Variants in FYCO1 observed in about 807,000 individuals in gnomAD.
FYCO1 encodes FYVE and coiled-coil domain-containing protein 1.
In FYCO1, 122 loss-of-function variants were observed where a neutral mutation model predicts 165.1. The observed-to-expected ratio is 0.74, with a 90% CI of 0.64 to 0.86. FYCO1 has a LOEUF of 0.86. Among genes scored for constraint, FYCO1 ranks in the 40% least tolerant of loss-of-function variants. FYCO1 has a pLI of 0.00. For missense variants in FYCO1, 1,702 were observed against 1,810.3 expected (o/e 0.94, Z 1.09); for synonymous variants, 648 against 742.5 (o/e 0.87, Z 2.07).
At chr3:45,953,197 C>A (rs1012975733) in intron 14 of FYCO1, among the ~76,000 whole-genome samples, 7 of 152,272 alleles carry the variant, frequency 4.6e-5, no homozygotes, top group Middle Eastern at 3.4e-3. Flanking sequence ...CAGCAGAAAT[C>A]CTGAATGATC....
chr3:45,942,098 G>C (rs1427968209), intron 14 of FYCO1, among the ~76,000 whole-genome samples: 1 of 152,198 alleles, frequency 6.6e-6, no homozygotes, highest in African/African-American at 2.4e-5. Context: ...AGAAAGGACA[G>C]TCTGAACGAA....
intron 1 of FYCO1, among the ~76,000 whole-genome samples, chr3:45,991,074 G>A (rs1467926171): frequency 1.3e-5 from 2 of 152,060 alleles, no homozygotes; most frequent in East Asian, 1.9e-4. Context: ...CACTGCGCCC[G>A]GCCATCATGA....
rs1444637367 is a variant in FYCO1, at chr3:45,965,087, A to C, written c.3096T>G (p.Leu1032=). The part of the protein sequence containing the change: ...GEECKSLRGQ[L]EEQGRQLQAA... ...CCTGCAGCTGCCGGCCTTGCTCCTC[A>C]AGCTGGCCCCTGAGGCTCTTGCACT... The change falls in exon 9 of 18, where the codon CTT becomes CTG. Residue 1032 remains leucine (L), a synonymous_variant. Coordinates refer to ENST00000296137, the MANE Select transcript of FYCO1 (RefSeq NM_024513.4). 6.2e-7 allele frequency: 1 copy of C among 1,614,054 alleles called. No homozygotes were observed. The highest frequency in any genetic ancestry group is 8.5e-7 in the Non-Finnish European group (1 of 1,180,008).
At chr3:45,981,724 A>C in intron 2 of FYCO1, 48 bp from the exon 3 acceptor site, 1 of 1,272,218 alleles carries the variant, frequency 7.9e-7, no homozygotes, top group African/African-American at 1.5e-5. Flanking sequence ...GACTAAACTC[A>C]GACAGAGAAG....
chr3:45,955,427 C>T (rs1437868528), intron 13 of FYCO1, 34 bp from the exon 14 acceptor site: 1 of 1,613,460 alleles, frequency 6.2e-7, no homozygotes, highest in Admixed American at 1.7e-5. Flanking sequence ...AGAGAAGAGA[C>T]ACAACACACT....
At chr3:45,975,668 T>C (rs1248724179) in intron 4 of FYCO1, among the ~76,000 whole-genome samples, 1 of 152,218 alleles carries the variant, frequency 6.6e-6, no homozygotes, top group Non-Finnish European at 1.5e-5. Flanking sequence ...CTCTGCTCTA[T>C]CAGAATCTCT....
At chr3:45,935,170 C>T (rs77902290) in intron 15 of FYCO1, among the ~76,000 whole-genome samples, 13,515 of 152,168 alleles carry the variant, frequency 0.089, 1,005 homozygotes, top group South Asian at 0.35. Context: ...CAGAATTTGC[C>T]CTGGTCTCTG....
At chr3:45,935,169 C>G (rs1227725773) in intron 15 of FYCO1, among the ~76,000 whole-genome samples, 1 of 152,190 alleles carries the variant, frequency 6.6e-6, no homozygotes, top group East Asian at 1.9e-4. Flanking sequence ...CCAGAATTTG[C>G]CCTGGTCTCT....
chr3:45,972,940 A>T, intron 6 of FYCO1, 148 bp downstream of exon 6: 3 of 822,672 alleles, frequency 3.6e-6, no homozygotes. Flanking sequence ...TGATTCAACA[A>T]AGTCTGTAAA....
At chr3:45,995,457 C>T (rs767003837) in intron 1 of FYCO1, among the ~76,000 whole-genome samples, 1 of 152,260 alleles carries the variant, frequency 6.6e-6, no homozygotes, top group Non-Finnish European at 1.5e-5. Flanking sequence ...CCTCCGGGGT[C>T]TTGGAACTGG....
At chr3:45,935,470 G>A (rs1703842894) in intron 15 of FYCO1, among the ~76,000 whole-genome samples, 1 of 152,134 alleles carries the variant, frequency 6.6e-6, no homozygotes, top group Non-Finnish European at 1.5e-5. Context: ...TCTGCTGCAG[G>A]CACGCTGGCC....
intron 6 of FYCO1, among the ~76,000 whole-genome samples, chr3:45,970,728 C>T (rs1048430393): frequency 6.6e-6 from 1 of 152,108 alleles, no homozygotes; most frequent in Non-Finnish European, 1.5e-5. Flanking sequence ...GCCCTCTGGG[C>T]TGTGCTTTGC....
intron 16 of FYCO1, among the ~76,000 whole-genome samples, chr3:45,929,093 C>T (rs1703466117): frequency 6.6e-6 from 1 of 152,250 alleles, no homozygotes; most frequent in Non-Finnish European, 1.5e-5. Context: ...ATTGAGGGCA[C>T]ATGTCTGGAA....
chr3:45,929,975 C>A (rs112100993), intron 16 of FYCO1, among the ~76,000 whole-genome samples: 2 of 152,270 alleles, frequency 1.3e-5, no homozygotes, highest in East Asian at 1.9e-4. Context: ...CCTCCTCATC[C>A]CTCAGCCTCA....
At chr3:45,949,032 T>C (rs1056308111) in intron 14 of FYCO1, among the ~76,000 whole-genome samples, 7 of 152,178 alleles carry the variant, frequency 4.6e-5, no homozygotes, top group African/African-American at 1.7e-4. Context: ...ATGGAAGCCC[T>C]CCATGTCAGC....
intron 16 of FYCO1, among the ~76,000 whole-genome samples, chr3:45,925,024 G>C (rs1206169221): frequency 6.6e-6 from 1 of 152,036 alleles, no homozygotes; most frequent in Non-Finnish European, 1.5e-5. Flanking sequence ...GTGCCTCCTG[G>C]ATTCAAGCAA....
intron 1 of FYCO1, among the ~76,000 whole-genome samples, chr3:45,994,678 C>A (rs1043051061): frequency 1.3e-5 from 2 of 151,792 alleles, no homozygotes; most frequent in Non-Finnish European, 2.9e-5. Context: ...CCAACACCCT[C>A]CAGCCGCATT....
In FYCO1 at chr3:45,936,535, G is replaced by A. The variant is rs1374893263; in HGVS notation, c.3953C>T (p.Thr1318Ile). ...LDPNAAEQDT[T>I]STSLTPEDTE... The stretch of plus-strand genomic sequence containing the variant: ...GTCCTCAGGCGTTAGCGAGGTTGAT[G>A]TAGTATCCCTGAAATGTCACAAATG... The change falls in exon 15 of 18, where the codon ACA becomes ATA. Residue 1318 changes from threonine to isoleucine, a missense_variant. Coordinates refer to ENST00000296137, the MANE Select transcript of FYCO1 (RefSeq NM_024513.4). 7 of 1,611,066 alleles carry A rather than the reference G, an allele frequency of 4.3e-6. No individual in the cohort carries two copies. The highest frequency in any genetic ancestry group is 5.9e-6 in the Non-Finnish European group (7 of 1,177,292).
intron 14 of FYCO1, chr3:45,947,079 T>C: frequency 6.2e-7 from 1 of 1,614,026 alleles, no homozygotes; most frequent in Admixed American, 1.7e-5. Context: ...GACACTGGGG[T>C]TCTTCTTGCC....
Sources: allele counts gnomAD v4.1 joint callset (sites outside exome capture counted in the v4.1 genomes callset), GRCh38; gene constraint gnomAD v4.1.1; transcripts MANE v1.5; gene names NCBI Gene and HGNC (gene_info 2026-07-23, HGNC 2026-07-21).